CACNG2: variants seen among roughly 807,000 people sequenced by gnomAD.
CACNG2 encodes the protein calcium voltage-gated channel auxiliary subunit gamma 2.
CACNG2 carries 3 observed loss-of-function variants against 25.9 expected under a neutral mutation model. The ratio of observed to expected loss-of-function variants is 0.12; its 90% CI spans 0.05 to 0.30. The LOEUF (loss-of-function observed/expected upper bound fraction) is 0.30, where lower values mean the gene tolerates loss of function less well. CACNG2 is among the 10% of genes least tolerant of loss of function. The pLI, the probability that CACNG2 is intolerant of heterozygous loss-of-function variation, is 1.00. For missense variants in CACNG2, 341 were observed against 432.5 expected, an observed-to-expected ratio of 0.79 and a Z score of 1.88; for synonymous variants, 167 against 173.3, an observed-to-expected ratio of 0.96 and a Z score of 0.29.
chr22:36,595,416 G>A (rs1316323921), intron 1 of CACNG2, among the ~76,000 whole-genome samples: 1 of 152,202 alleles, frequency 6.6e-6, no homozygotes, highest in Non-Finnish European at 1.5e-5. Context: ...TCACACCATG[G>A]GAACCCACGG....
intron 1 of CACNG2, among the ~76,000 whole-genome samples, chr22:36,611,717 G>A (rs989008172): frequency 6.6e-6 from 1 of 152,196 alleles, no homozygotes; most frequent in African/African-American, 2.4e-5. Flanking sequence ...CCAGCCGCGG[G>A]TCTCCAGGCT....
Position 36,638,190 on chromosome 22 carries a change from C to T in CACNG2, c.212-50642G>A, listed in dbSNP as rs139606869. 5.2e-3 allele frequency among the ~76,000 whole-genome samples: 789 copies of T among 152,260 alleles called. 3 individuals carry two copies. The highest frequency in any genetic ancestry group is 7.9e-3 in the Non-Finnish European group (535 of 68,002). ...TTCTCATCACTGCCTATGGCCCAGG[C>T]GACTCCCATTGGGATGATTGCACTG... On this transcript the variant is annotated intron_variant, in intron 1 of 3. Transcript: ENST00000300105.
At chr22:36,609,446 A>G (rs1404672795) in intron 1 of CACNG2, among the ~76,000 whole-genome samples, 1 of 130,166 alleles carries the variant, frequency 7.7e-6, no homozygotes, top group Non-Finnish European at 1.6e-5. Flanking sequence ...TCCGGCAGGA[A>G]TCAACCCCCT....
intron 1 of CACNG2, among the ~76,000 whole-genome samples, chr22:36,610,060 C>T (rs114594245): frequency 6.6e-6 from 1 of 151,570 alleles, no homozygotes; most frequent in African/African-American, 2.4e-5. Context: ...GAATCAGCAC[C>T]CCAGAGTGTG....
intron 1 of CACNG2, among the ~76,000 whole-genome samples, chr22:36,601,688 T>G (rs1935755617): frequency 6.6e-6 from 1 of 152,148 alleles, no homozygotes; most frequent in Non-Finnish European, 1.5e-5. Context: ...TTTCGCCATG[T>G]GGGCCAGGCT....
Position 36,702,658 on chromosome 22 carries a change from AAAT to A in CACNG2, c.-85_-83del. On this transcript the variant is annotated 5_prime_UTR_variant, in exon 1 of 4. Transcript: ENST00000300105. ...AGGGTGCAAGTACTAAAGCCAAAAA[AAAT>A]AAATAAAAATAAAAATTATTCCACT... 2.2e-6 allele frequency: 2 copies of A among 909,930 alleles called. No individual in the cohort carries two copies. Among genetic ancestry groups the A allele is most frequent in the Non-Finnish European group, 3.6e-6 (2 of 561,196 alleles). 56.4% of individuals were successfully genotyped at this position (909,930 alleles called of 1,614,324 possible).
intron 1 of CACNG2, among the ~76,000 whole-genome samples, chr22:36,660,469 C>T (rs1936775773): frequency 6.6e-6 from 1 of 152,272 alleles, no homozygotes; most frequent in Non-Finnish European, 1.5e-5. Flanking sequence ...CCCATTCTCA[C>T]TCTCTGTCTT....
At chr22:36,569,927 G>C (rs1935195990) in intron 2 of CACNG2, among the ~76,000 whole-genome samples, 1 of 152,222 alleles carries the variant, frequency 6.6e-6, no homozygotes, top group Non-Finnish European at 1.5e-5. Flanking sequence ...GAGAAGGAAA[G>C]AAAGAAAGAG....
chr22:36,643,670 T>G (rs1257608994), intron 1 of CACNG2, among the ~76,000 whole-genome samples: 1 of 152,222 alleles, frequency 6.6e-6, no homozygotes, highest in Admixed American at 6.5e-5. Context: ...ACAGTGTTGC[T>G]AATGCTACTC....
At chr22:36,682,712 T>C (rs1483932518) in intron 1 of CACNG2, among the ~76,000 whole-genome samples, 1 of 152,126 alleles carries the variant, frequency 6.6e-6, no homozygotes, top group African/African-American at 2.4e-5. Context: ...ACAATCAAAA[T>C]TGAATAGAAA....
At chr22:36,632,053 G>C (rs1000187961) in intron 1 of CACNG2, among the ~76,000 whole-genome samples, 1 of 152,182 alleles carries the variant, frequency 6.6e-6, no homozygotes, top group East Asian at 1.9e-4. Flanking sequence ...GCCACACTGT[G>C]TGGTCATGTA....
Position 36,564,719 on chromosome 22 carries a change from T to C in CACNG2, c.604A>G (p.Ile202Val), listed in dbSNP as rs1603500160. 1.9e-6 allele frequency: 3 copies of C among 1,614,144 alleles called. No homozygotes were observed. Among genetic ancestry groups the C allele is most frequent in the South Asian group, 1.1e-5 (1 of 91,082 alleles). ...GCCCGCAGCTGTTTGTGCCGGTCGA[T>C]AAACATGTGCACCGCCAGCACCCCG... ...MVGVLAVHMF[I>V]DRHKQLRATA... The change falls in exon 4 of 4, where the codon ATC becomes GTC. Residue 202 changes from isoleucine (I) to valine (V), a missense_variant. Coordinates refer to ENST00000300105, the MANE Select transcript of CACNG2 (RefSeq NM_006078.5). The surrounding 1 kb of genome is among the most constrained non-coding windows in gnomAD (Gnocchi z 6.7).
At chr22:36,609,077 T>G (rs908041206) in intron 1 of CACNG2, among the ~76,000 whole-genome samples, 1 of 152,206 alleles carries the variant, frequency 6.6e-6, no homozygotes, top group African/African-American at 2.4e-5. Flanking sequence ...TTCATGTATA[T>G]GGATATGTGA....
rs1422332446 is a variant in CACNG2 at position 36,606,473 on chromosome 22, G to T, written c.212-18925C>A. 6.6e-6 allele frequency among the ~76,000 whole-genome samples: 1 copy of T among 152,194 alleles called. No individual in the cohort carries two copies. Among genetic ancestry groups the T allele is most frequent in the Non-Finnish European group, 1.5e-5 (1 of 68,026 alleles). ...AGAGCTGGGCTCTGACCCCGGGCAG[G>T]AGGTTCTAGGTGACTGCTGGGCTGC... is the stretch of plus-strand genomic sequence containing the variant. On this transcript the variant is annotated intron_variant, in intron 1 of 3. Coordinates refer to ENST00000300105, the MANE Select transcript of CACNG2 (RefSeq NM_006078.5). This position sits in a 1 kb window ranked among gnomAD's most constrained non-coding sequence, Gnocchi z 5.7.
intron 1 of CACNG2, among the ~76,000 whole-genome samples, chr22:36,656,832 T>A (rs1352360052): frequency 1.3e-5 from 2 of 152,236 alleles, no homozygotes. Context: ...CTTCCCCATT[T>A]AAAATGGCGG....
At chr22:36,604,816 C>T (rs1246368350) in intron 1 of CACNG2, among the ~76,000 whole-genome samples, 2 of 152,182 alleles carry the variant, frequency 1.3e-5, no homozygotes, top group Non-Finnish European at 2.9e-5. Context: ...CTCACTCGGT[C>T]ACCCAGGTTG....
Position 36,564,273 on chromosome 22 carries a change from G to A in CACNG2, c.*78C>T. 1.5e-6 allele frequency: 2 copies of A among 1,337,254 alleles called. No homozygotes were observed. The highest frequency in any genetic ancestry group is 2.0e-6 in the Non-Finnish European group (2 of 980,468). The allele number at this position is 1,337,254 out of a possible 1,614,324, so 82.8% of individuals were successfully genotyped here. A position where few individuals can be genotyped will look rare whatever the true frequency, so the allele number is the denominator to read the frequency against. Reference sequence around the variant, plus strand: ...GCTTTTGGAAGGTCTCCCAGCGGAGGGTCTGGGTCTCCCCGCCCCGCCCCG... The same window carrying A: ...GCTTTTGGAAGGTCTCCCAGCGGAGAGTCTGGGTCTCCCCGCCCCGCCCCG... On this transcript the variant is annotated 3_prime_UTR_variant, in exon 4 of 4. Transcript: ENST00000300105. The surrounding 1 kb of genome is among the most constrained non-coding windows in gnomAD (Gnocchi z 6.7).
Position 36,594,101 on chromosome 22 carries a change from T to C in CACNG2, c.212-6553A>G, listed in dbSNP as rs147565764. ...GGGTTGTGATGGCTTCAGGCACAGATGGATCCAGGTGCTCCAAAATCTGGA... is the reference window on the plus strand; with the variant it reads ...GGGTTGTGATGGCTTCAGGCACAGACGGATCCAGGTGCTCCAAAATCTGGA... On this transcript the variant is annotated intron_variant, in intron 1 of 3. Transcript: ENST00000300105. Among the ~76,000 whole-genome samples the C allele has an allele frequency of 1.0e-3, 155 of 152,254 alleles. No individual in the cohort carries two copies. The East Asian group carries it at 0.013, about 13-fold the overall frequency.
At chr22:36,698,354 T>G (rs1206893309) in intron 1 of CACNG2, among the ~76,000 whole-genome samples, 1 of 152,250 alleles carries the variant, frequency 6.6e-6, no homozygotes, top group East Asian at 1.9e-4. Context: ...TTGGGAATTA[T>G]GGAGCAATAC....
Sources: gnomAD v4.1 joint callset for allele counts (sites outside exome capture counted in the v4.1 genomes callset) on GRCh38, gnomAD v4.1.1 for gene constraint, Gnocchi (gnomAD v3.1) non-coding constraint, MANE v1.5 for transcripts, NCBI Gene and HGNC (gene_info 2026-07-23, HGNC 2026-07-21) for gene names.